The following CLCN5 variants were observed in gnomAD, a reference collection of about 807,000 sequenced individuals.
The protein encoded by CLCN5 is Cl-/H+ antiporter 5, also known as H(+)/Cl(-) exchange transporter 5.
A neutral mutation model predicts 54.0 loss-of-function variants in CLCN5; 17 were observed. The ratio of observed to expected loss-of-function variants is 0.31; its 90% CI spans 0.22 to 0.47. CLCN5 has a LOEUF of 0.47. CLCN5 is among the 20% of genes least tolerant of loss of function. CLCN5 has a pLI of 1.00. For synonymous variants in CLCN5, 222 were observed against 233.0 expected (o/e 0.95, Z 0.43); for missense variants, 448 against 646.7 (o/e 0.69, Z 3.33).
intron 3 of CLCN5, among the ~76,000 whole-genome samples, chrX:50,009,554 GCATGTC>G (rs1168034005): frequency 8.9e-6 from 1 of 111,998 alleles, no homozygotes; most frequent in Non-Finnish European, 1.9e-5. Context: ...GTCTGAGAGG[GCATGTC>G]CATGTGGCCT....
intron 4 of CLCN5, among the ~76,000 whole-genome samples, chrX:50,046,084 T>A (rs1932383754): frequency 8.9e-6 from 1 of 112,347 alleles, no homozygotes; most frequent in Non-Finnish European, 1.9e-5. Flanking sequence ...GTTAAATGCA[T>A]CTGAGGTAGT....
At chrX:49,964,985 T>C (rs1247453222) in intron 3 of CLCN5, among the ~76,000 whole-genome samples, 2 of 111,757 alleles carry the variant, frequency 1.8e-5, no homozygotes, top group African/African-American at 3.3e-5. Context: ...TATATCAGTA[T>C]GTACAATGAC....
chrX:49,962,216 A>G (rs1927628069), intron 3 of CLCN5, among the ~76,000 whole-genome samples: 1 of 112,341 alleles, frequency 8.9e-6, no homozygotes, highest in Admixed American at 9.4e-5. Context: ...TCAAAAAGGT[A>G]CATGACATAA....
At chrX:50,045,596 A>G (rs782702019) in intron 4 of CLCN5, among the ~76,000 whole-genome samples, 4 of 112,565 alleles carry the variant, frequency 3.6e-5, no homozygotes, top group Non-Finnish European at 7.5e-5. Context: ...TTCATAGACT[A>G]GAAAACTGAA....
intron 3 of CLCN5, among the ~76,000 whole-genome samples, chrX:49,976,798 C>G (rs781880696): frequency 1.8e-5 from 2 of 111,341 alleles, no homozygotes; most frequent in Non-Finnish European, 3.8e-5. Flanking sequence ...CAGGAGACAG[C>G]ATTTTGACAT....
chrX:49,974,583 G>A (rs1928390519), intron 3 of CLCN5, among the ~76,000 whole-genome samples: 1 of 111,751 alleles, frequency 8.9e-6, no homozygotes, highest in African/African-American at 3.3e-5. Context: ...CTCTGAGAGT[G>A]TAACTAACTT....
intron 3 of CLCN5, among the ~76,000 whole-genome samples, chrX:49,976,465 A>G (rs1429002496): frequency 4.5e-5 from 5 of 112,147 alleles, no homozygotes; most frequent in African/African-American, 1.6e-4. Context: ...ACAGGCAAAG[A>G]TGGGGGAGAC....
chrX:49,959,424 C>T (rs1310327742), intron 3 of CLCN5, among the ~76,000 whole-genome samples: 3 of 112,104 alleles, frequency 2.7e-5, no homozygotes, highest in African/African-American at 9.7e-5. Flanking sequence ...CATGTTATTT[C>T]CTGGCTGACA....
intron 3 of CLCN5, among the ~76,000 whole-genome samples, chrX:50,001,503 A>G (rs1372450519): frequency 9.1e-6 from 1 of 109,316 alleles, no homozygotes; most frequent in Non-Finnish European, 1.9e-5. Flanking sequence ...TCTAGGGTAC[A>G]TGTGCACAAC....
chrX:49,972,211 ACC>A, intron 3 of CLCN5, among the ~76,000 whole-genome samples: 1 of 107,066 alleles, frequency 9.3e-6, no homozygotes, highest in Non-Finnish European at 1.9e-5. Context: ...ATGGCCCTTT[ACC>A]CCCAAATAAT....
chrX:50,033,750 G>A (rs960749834), intron 3 of CLCN5, among the ~76,000 whole-genome samples: 4 of 111,585 alleles, frequency 3.6e-5, no homozygotes, highest in African/African-American at 6.5e-5. Context: ...GAGGCATCAC[G>A]CTACCTGACT....
chrX:49,985,599 A>G (rs998301484), intron 3 of CLCN5, among the ~76,000 whole-genome samples: 1 of 111,656 alleles, frequency 9.0e-6, no homozygotes, highest in African/African-American at 3.2e-5. Context: ...TTTTTGTTTT[A>G]TAAAAAATCA....
At chrX:50,036,207 ATTC>A (rs34271751) in intron 3 of CLCN5, among the ~76,000 whole-genome samples, 16,794 of 111,575 alleles carry the variant, frequency 0.15, 3,140 homozygotes, top group African/African-American at 0.53. Flanking sequence ...TCTCTTGAAC[ATTC>A]TTCTAAAGAC....
intron 3 of CLCN5, among the ~76,000 whole-genome samples, chrX:49,936,180 C>G (rs1031204614): frequency 1.3e-4 from 15 of 111,782 alleles, no homozygotes; most frequent in African/African-American, 4.6e-4. Flanking sequence ...TCCCCCCAAC[C>G]CCATTCTCTG....
Position 50,088,794 on chromosome X carries a change from G to A in CLCN5, c.1654G>A (p.Glu552Lys), listed in dbSNP as rs782148776. 1 of 1,209,734 alleles carries A rather than the reference G, an allele frequency of 8.3e-7. No homozygotes were observed. The highest frequency in any genetic ancestry group is 1.7e-5 in the African/African-American group (1 of 57,288). ...GGAACAGCTGGCTTATTACCACCAGGAATGGACCGTCTTCAATAGCTGGTG... is the reference window on the plus strand; with the variant it reads ...GGAACAGCTGGCTTATTACCACCAGAAATGGACCGTCTTCAATAGCTGGTG... ...GMEQLAYYHQEWTVFNSWCSQ... is the reference protein window; with the variant it reads ...GMEQLAYYHQKWTVFNSWCSQ... The change falls in exon 12 of 15, where the codon GAA becomes AAA. Residue 552 changes from glutamate to lysine, a missense_variant. Physicochemically the swap from Glu to Lys is moderately conservative, Grantham distance 56 (BLOSUM62 1). Coordinates refer to ENST00000376091, the MANE Select transcript of CLCN5 (RefSeq NM_001127898.4).
intron 3 of CLCN5, chrX:50,013,423 T>C (rs1557182987): frequency 7.6e-6 from 2 of 262,170 alleles, no homozygotes; most frequent in African/African-American, 5.8e-5. Context: ...CCCTGCTAAA[T>C]AATGGACAGT....
chrX:49,939,796 G>T (rs193185928), intron 3 of CLCN5, among the ~76,000 whole-genome samples: 4 of 111,278 alleles, frequency 3.6e-5, no homozygotes, highest in Non-Finnish European at 7.6e-5. Flanking sequence ...AAGTTGCCCG[G>T]TAGTCTAACT....
chrX:50,049,080 G>A (rs910439979), intron 4 of CLCN5, among the ~76,000 whole-genome samples: 2 of 110,963 alleles, frequency 1.8e-5, no homozygotes, highest in East Asian at 5.6e-4. Context: ...TGAGAAACCT[G>A]GTTCCTACCA....
intron 7 of CLCN5, among the ~76,000 whole-genome samples, chrX:50,077,611 AGAGAGAGAGAGTGTGT>A (rs1200689840): frequency 1.0e-4 from 10 of 96,385 alleles, no homozygotes; most frequent in African/African-American, 3.9e-4. Flanking sequence ...AGAGAGAGAG[AGAGAGAGAGAGTGTGT>A]GTGTGTGTGT....
Sources: gnomAD v4.1 joint callset for allele counts (sites outside exome capture counted in the v4.1 genomes callset) on GRCh38, gnomAD v4.1.1 for gene constraint, MANE v1.5 for transcripts, NCBI Gene and HGNC (gene_info 2026-07-23, HGNC 2026-07-21) for gene names.